CRPPA: variants seen among roughly 807,000 people sequenced by gnomAD.
CRPPA encodes the protein D-ribitol-5-phosphate cytidylyltransferase.
Under a neutral mutation model 52.0 loss-of-function variants are expected in CRPPA, and 43 were observed. That is an observed-to-expected ratio of 0.83 (90% confidence interval 0.65 to 1.07). CRPPA has a LOEUF of 1.07. Ranked by LOEUF, CRPPA falls within the 50% of genes least tolerant of loss-of-function variation. The pLI is 0.00. For missense variants in CRPPA, 629 were observed against 551.7 expected, an observed-to-expected ratio of 1.14 and a Z score of -1.40; for synonymous variants, 250 against 203.5, an observed-to-expected ratio of 1.23 and a Z score of -1.94.
intron 2 of CRPPA, among the ~76,000 whole-genome samples, chr7:16,386,514 T>A (rs1562670771): frequency 6.6e-6 from 1 of 152,204 alleles, no homozygotes; most frequent in Non-Finnish European, 1.5e-5. Context: ...CTGCCTCCTA[T>A]CTGTATAAAT....
intron 3 of CRPPA, among the ~76,000 whole-genome samples, chr7:16,348,203 A>C (rs1285022255): frequency 6.6e-6 from 1 of 152,148 alleles, no homozygotes; most frequent in South Asian, 2.1e-4. Context: ...AAGTCTATTA[A>C]TTTATCCTGA....
chr7:16,231,991 G>C lies in CRPPA; in HGVS notation c.1120-15794C>G, dbSNP rs75171764. 9.0e-4 allele frequency among the ~76,000 whole-genome samples: 137 copies of C among 152,250 alleles called. 2 individuals carry two copies. The East Asian group carries it at 0.024, about 27-fold the overall frequency. On this transcript the variant is annotated intron_variant, in intron 8 of 9. Coordinates refer to ENST00000407010, the MANE Select transcript of CRPPA (RefSeq NM_001101426.4). ...TGAGAGATGAAGTTAAGAATCTGGG[G>C]AGACCAAGGTAGACAGAATAGAGTC...
intron 9 of CRPPA, among the ~76,000 whole-genome samples, chr7:16,215,374 C>T (rs1010513055): frequency 6.6e-6 from 1 of 152,188 alleles, no homozygotes; most frequent in Non-Finnish European, 1.5e-5. Flanking sequence ...ATTTTTAACC[C>T]TAATTCTATT....
chr7:16,310,850 A>G (rs76991502), intron 3 of CRPPA, among the ~76,000 whole-genome samples: 4,022 of 151,490 alleles, frequency 0.027, 197 homozygotes, highest in African/African-American at 0.094. Flanking sequence ...CATAGAAACA[A>G]TACAACTTAG....
At chr7:16,172,025 G>C (rs1172189171) in intron 9 of CRPPA, among the ~76,000 whole-genome samples, 1 of 152,092 alleles carries the variant, frequency 6.6e-6, no homozygotes, top group East Asian at 1.9e-4. Flanking sequence ...TGTCATTTCA[G>C]TTCCCTATGG....
intron 1 of CRPPA, among the ~76,000 whole-genome samples, chr7:16,408,839 A>G (rs973626988): frequency 2.0e-5 from 3 of 152,214 alleles, no homozygotes; most frequent in African/African-American, 7.2e-5. Context: ...ACTGGAGAAG[A>G]TGTGATGACA....
At chr7:16,286,801 C>T (rs1784461090) in intron 5 of CRPPA, among the ~76,000 whole-genome samples, 1 of 152,282 alleles carries the variant, frequency 6.6e-6, no homozygotes, top group Admixed American at 6.5e-5. Flanking sequence ...CCAGCATTCT[C>T]CTTCTACTCA....
chr7:16,148,095 T>TTC (rs1783008428), intron 9 of CRPPA, among the ~76,000 whole-genome samples: 1 of 152,200 alleles, frequency 6.6e-6, no homozygotes, highest in Admixed American at 6.5e-5. Context: ...CATACCTTAT[T>TTC]TCTCCCAATG....
At chr7:16,179,703 C>G (rs959385528) in intron 9 of CRPPA, among the ~76,000 whole-genome samples, 1 of 152,044 alleles carries the variant, frequency 6.6e-6, no homozygotes, top group Non-Finnish European at 1.5e-5. Flanking sequence ...AATAATAAAT[C>G]TGTTGTTTGA....
chr7:16,162,821 T>C (rs1780936270), intron 9 of CRPPA, among the ~76,000 whole-genome samples: 1 of 152,172 alleles, frequency 6.6e-6, no homozygotes, highest in African/African-American at 2.4e-5. Context: ...TAAGTCTCTT[T>C]GTAGGTCTCT....
At position 16,338,413 on chromosome 7, in the gene CRPPA, A is replaced by G. The variant is rs568788222; in HGVS notation, c.685-29786T>C. Among the ~76,000 whole-genome samples the G allele has an allele frequency of 1.9e-3, 287 of 152,354 alleles. 1 individual carries two copies. Among genetic ancestry groups the G allele is most frequent in the South Asian group, 3.3e-3 (16 of 4,826 alleles). Reference sequence around the variant, plus strand: ...CAATAAAGGCTATATATTACAAGCCAATGGCTAACTAACATCATTCTCAAT... The same window carrying G: ...CAATAAAGGCTATATATTACAAGCCGATGGCTAACTAACATCATTCTCAAT... On this transcript the variant is annotated intron_variant, in intron 3 of 9. Transcript: ENST00000407010.
At chr7:16,233,539 T>C (rs371522730) in intron 8 of CRPPA, among the ~76,000 whole-genome samples, 17 of 152,240 alleles carry the variant, frequency 1.1e-4, no homozygotes, top group East Asian at 9.6e-4. Context: ...TAAATCAAAC[T>C]TCTAGAGAGG....
chr7:16,114,314 A>ACACG (rs1156969655), intron 9 of CRPPA, among the ~76,000 whole-genome samples: 6 of 151,462 alleles, frequency 4.0e-5, no homozygotes, highest in African/African-American at 1.5e-4. Context: ...ACACACACAC[A>ACACG]CACCTTTGAT....
At chr7:16,206,585 A>G (rs1781978554) in intron 9 of CRPPA, among the ~76,000 whole-genome samples, 2 of 152,094 alleles carry the variant, frequency 1.3e-5, no homozygotes, top group Admixed American at 6.5e-5. Flanking sequence ...AAAAAAGAAC[A>G]TAGTAAAAAT....
At chr7:16,279,213 G>A (rs1205863276) in intron 5 of CRPPA, among the ~76,000 whole-genome samples, 3 of 152,036 alleles carry the variant, frequency 2.0e-5, no homozygotes, top group African/African-American at 7.2e-5. Flanking sequence ...GTAAAATAGG[G>A]CCCATATAAA....
chr7:16,330,723 C>G (rs557279193), intron 3 of CRPPA, among the ~76,000 whole-genome samples: 13 of 152,052 alleles, frequency 8.5e-5, no homozygotes, highest in Non-Finnish European at 1.9e-4. Context: ...CTGCTTCCAG[C>G]AGGGAGAAGG....
chr7:16,261,125 T>C (rs531290306), intron 6 of CRPPA, among the ~76,000 whole-genome samples: 1 of 152,186 alleles, frequency 6.6e-6, no homozygotes, highest in Admixed American at 6.5e-5. Context: ...GTATTAAAAG[T>C]ACGAATGTTG....
At chr7:16,150,971 C>T (rs766108528) in intron 9 of CRPPA, among the ~76,000 whole-genome samples, 1 of 152,190 alleles carries the variant, frequency 6.6e-6, no homozygotes, top group African/African-American at 2.4e-5. Flanking sequence ...TATCATTAGG[C>T]TCCACCTCCC....
intron 2 of CRPPA, among the ~76,000 whole-genome samples, chr7:16,379,334 G>A (rs1787006305): frequency 6.6e-6 from 1 of 152,130 alleles, no homozygotes; most frequent in African/African-American, 2.4e-5. Context: ...GCTCTGTTCT[G>A]TTCCATTGAT....
Sources: allele counts gnomAD v4.1 joint callset (sites outside exome capture counted in the v4.1 genomes callset), GRCh38; gene constraint gnomAD v4.1.1; transcripts MANE v1.5; gene names NCBI Gene and HGNC (gene_info 2026-07-23, HGNC 2026-07-21).